Variants in DOCK10 observed in about 807,000 individuals in gnomAD.
DOCK10 encodes dedicator of cytokinesis 10.
A neutral mutation model predicts 280.1 loss-of-function variants in DOCK10; 145 were observed. The observed-to-expected ratio is 0.52, with a 90% CI of 0.45 to 0.59. The LOEUF is 0.59. Ranked by LOEUF, DOCK10 falls within the 20% of genes least tolerant of loss-of-function variation. DOCK10 has a pLI of 0.00. For synonymous variants in DOCK10, 915 were observed against 942.2 expected (o/e 0.97, Z 0.53); for missense variants, 2,368 against 2,651.7 (o/e 0.89, Z 2.35).
chr2:224,880,452 T>A (rs2125718651), intron 7 of DOCK10, among the ~76,000 whole-genome samples: 1 of 152,258 alleles, frequency 6.6e-6, no homozygotes, highest in East Asian at 1.9e-4. Flanking sequence ...AATAGGAAGT[T>A]TTAATAATTT....
Position 224,869,073 on chromosome 2 carries a change from C to A in DOCK10, c.1258-3986G>T, listed in dbSNP as rs571043375. ...CACTGGCTTTCCAGTGAGGATTTAA[C>A]AAAGCATCTGCAAAGCCTAACAAAT... On this transcript the variant is annotated intron_variant, in intron 11 of 55. Transcript: ENST00000258390. 5.3e-3 allele frequency among the ~76,000 whole-genome samples: 802 copies of A among 152,200 alleles called. 1 individual carries two copies. The highest frequency in any genetic ancestry group is 8.5e-3 in the Non-Finnish European group (577 of 67,976).
chr2:224,789,017 T>C (rs1231431647), intron 48 of DOCK10, 47 bp downstream of exon 48: 4 of 1,182,852 alleles, frequency 3.4e-6, no homozygotes, highest in East Asian at 4.7e-5. Context: ...CACAAGCCAA[T>C]GCATCTCTTT....
rs540689078 is a variant in DOCK10 at position 224,967,119 on chromosome 2, G to C, written c.124-35451C>G. ...TTTTGAGACGGAGTCTCGCTCTGTC[G>C]CCCAGGCTGGAGTGCAGTGGCGAGA... On this transcript the variant is annotated intron_variant, in intron 1 of 55. Coordinates refer to ENST00000258390, the MANE Select transcript of DOCK10 (RefSeq NM_014689.3). Among the ~76,000 whole-genome samples, 14 of 146,148 alleles carry C rather than the reference G, an allele frequency of 9.6e-5. No individual in the cohort carries two copies. The East Asian group carries it at 1.6e-3, about 17-fold the overall frequency.
At chr2:224,908,166 T>G (rs80099962) in intron 3 of DOCK10, among the ~76,000 whole-genome samples, 3,137 of 136,340 alleles carry the variant, frequency 0.023, 98 homozygotes, top group African/African-American at 0.081. Flanking sequence ...TTTAAATGAG[T>G]TGTGTGTGTG....
At position 224,770,027 on chromosome 2, in the gene DOCK10, C is replaced by G. The variant is rs1489482563; in HGVS notation, c.6444+184G>C. ...TCATAATCTTTTTCTACAGAGTTTC[C>G]CCCAGCCTGATCTCTGCTTTGGGGC... On this transcript the variant is annotated intron_variant, in intron 55 of 55. Coordinates refer to ENST00000258390, the MANE Select transcript of DOCK10 (RefSeq NM_014689.3). The surrounding 1 kb of genome is among the most constrained non-coding windows in gnomAD (Gnocchi z 4.5). Among the ~76,000 whole-genome samples, 1 of 152,152 alleles carries G rather than the reference C, an allele frequency of 6.6e-6. No homozygotes were observed. The highest frequency in any genetic ancestry group is 3.2e-3 in the Middle Eastern group (1 of 316).
intron 22 of DOCK10, among the ~76,000 whole-genome samples, 172 bp downstream of exon 22, chr2:224,844,581 C>G (rs79358367): frequency 8.0e-4 from 122 of 152,326 alleles, no homozygotes; most frequent in African/African-American, 2.7e-3. Flanking sequence ...GACATTCTAT[C>G]TGTCTTGAGG....
chr2:224,820,068 T>C (rs1164990078), intron 28 of DOCK10, among the ~76,000 whole-genome samples: 1 of 152,078 alleles, frequency 6.6e-6, no homozygotes, highest in Non-Finnish European at 1.5e-5. Context: ...TAATGAGGAG[T>C]GGTAGAGACG....
At chr2:224,965,500 C>T (rs1287267632) in intron 1 of DOCK10, among the ~76,000 whole-genome samples, 2 of 152,178 alleles carry the variant, frequency 1.3e-5, no homozygotes, top group African/African-American at 4.8e-5. Flanking sequence ...TTCTTTATCC[C>T]TCTATTGAAA....
Position 224,775,083 on chromosome 2 carries a change from G to A in DOCK10, c.5835C>T (p.Ala1945=), listed in dbSNP as rs763012558. The A allele has an allele frequency of 6.2e-7, 1 of 1,613,914 alleles. No individual in the cohort carries two copies. Among genetic ancestry groups the A allele is most frequent in the African/African-American group, 1.3e-5 (1 of 74,930 alleles). ...VNPKDLDPKY[A]YIQVTYVTPF... The stretch of plus-strand genomic sequence containing the variant: ...GCGTCACATAGGTCACCTGGATGTA[G>A]GCATATTTGGGGTCCAAATCCTTGG... The change falls in exon 52 of 56, where the codon GCC becomes GCT. Residue 1945 remains alanine, a synonymous_variant. Transcript: ENST00000258390.
At chr2:224,874,788 A>G in intron 8 of DOCK10, 37 bp from the exon 9 acceptor site, 1 of 1,562,940 alleles carries the variant, frequency 6.4e-7, no homozygotes, top group Non-Finnish European at 8.8e-7. Context: ...ATTAAATATT[A>G]CTCACGAGTC....
At chr2:224,887,166 A>G (rs1358141473) in intron 4 of DOCK10, among the ~76,000 whole-genome samples, 2 of 152,152 alleles carry the variant, frequency 1.3e-5, no homozygotes, top group Non-Finnish European at 2.9e-5. Flanking sequence ...CCACATTTGT[A>G]GGTGGAATCA....
chr2:225,027,479 G>C (rs1395104666), intron 1 of DOCK10, among the ~76,000 whole-genome samples: 2 of 152,164 alleles, frequency 1.3e-5, no homozygotes, highest in African/African-American at 4.8e-5. Context: ...CAGTGTTGGA[G>C]GTGGGGCCTC....
chr2:225,025,701 G>C (rs903735484), intron 1 of DOCK10, among the ~76,000 whole-genome samples: 1 of 150,444 alleles, frequency 6.6e-6, no homozygotes, highest in Non-Finnish European at 1.5e-5. Context: ...TGTTTCCAAG[G>C]CTAGGTAATA....
chr2:224,830,920 T>TTTATTTATTTA (rs1695184078), intron 26 of DOCK10, among the ~76,000 whole-genome samples: 1 of 148,534 alleles, frequency 6.7e-6, no homozygotes, highest in Non-Finnish European at 1.5e-5. Context: ...CTAAACAAAC[T>TTTATTTATTTA]TTTATTTATT....
rs141504392 is a variant in DOCK10 at position 224,788,462 on chromosome 2, G to A, written c.5418+602C>T. 1.8e-4 allele frequency among the ~76,000 whole-genome samples: 27 copies of A among 152,198 alleles called. No homozygotes were observed. In the East Asian group the frequency reaches 5.0e-3, roughly 28 times the overall value. ...TATTTGCAATATATGCTAAATTGGTGTAGAACCATTTGTAAAATTGTATTA... is the reference window on the plus strand; with the variant it reads ...TATTTGCAATATATGCTAAATTGGTATAGAACCATTTGTAAAATTGTATTA... On this transcript the variant is annotated intron_variant, in intron 48 of 55. Coordinates refer to ENST00000258390, the MANE Select transcript of DOCK10 (RefSeq NM_014689.3).
At chr2:224,810,569 G>A (rs192676148) in intron 31 of DOCK10, among the ~76,000 whole-genome samples, 9 of 150,622 alleles carry the variant, frequency 6.0e-5, no homozygotes, top group Middle Eastern at 3.4e-3. Flanking sequence ...GTGCCATGTT[G>A]GTGTGCTGCA....
At chr2:224,972,052 A>G (rs922113782) in intron 1 of DOCK10, among the ~76,000 whole-genome samples, 1 of 152,192 alleles carries the variant, frequency 6.6e-6, no homozygotes, top group Non-Finnish European at 1.5e-5. Flanking sequence ...AATTGGTCAG[A>G]GCTACTCCGT....
chr2:224,799,008 A>C (rs1211282631), intron 41 of DOCK10, among the ~76,000 whole-genome samples: 1 of 152,222 alleles, frequency 6.6e-6, no homozygotes, highest in African/African-American at 2.4e-5. Flanking sequence ...TAATAGTTTT[A>C]TTGAAGTATA....
chr2:224,974,819 A>ATAAT (rs1553626514), intron 1 of DOCK10, among the ~76,000 whole-genome samples: 2 of 132,348 alleles, frequency 1.5e-5, no homozygotes, highest in Admixed American at 1.7e-4. Context: ...TTATATATAT[A>ATAAT]ATATATATAT....
Sources: allele counts gnomAD v4.1 joint callset (sites outside exome capture counted in the v4.1 genomes callset), GRCh38; gene constraint gnomAD v4.1.1; non-coding constraint Gnocchi (gnomAD v3.1); transcripts MANE v1.5; gene names NCBI Gene and HGNC (gene_info 2026-07-23, HGNC 2026-07-21).